Variants in SH3TC2 observed in about 807,000 individuals in gnomAD.
SH3TC2 encodes the protein SH3 domain and tetratricopeptide repeats 2.
A neutral mutation model predicts 124.5 loss-of-function variants in SH3TC2; 87 were observed. That is an observed-to-expected ratio of 0.70 (90% CI 0.59 to 0.84). The LOEUF is 0.84. SH3TC2 is among the 40% of genes least tolerant of loss of function. The pLI is 0.00. For missense variants in SH3TC2, 1,536 were observed against 1,566.4 expected, an observed-to-expected ratio of 0.98 and a Z score of 0.33; for synonymous variants, 634 against 628.5, an observed-to-expected ratio of 1.01 and a Z score of -0.13.
chr5:148,982,376 T>C lies in SH3TC2; in HGVS notation c.*22335A>G, dbSNP rs1753264570. On this transcript the variant is annotated 3_prime_UTR_variant, in exon 17 of 17. Transcript: ENST00000515425. ...TGCATATGCCCTTAGTATTCTGCTATTTCACTTTTGTGGAATTTTTCCTAC... is the reference window on the plus strand; with the variant it reads ...TGCATATGCCCTTAGTATTCTGCTACTTCACTTTTGTGGAATTTTTCCTAC... 6.6e-6 allele frequency among the ~76,000 whole-genome samples: 1 copy of C among 152,242 alleles called. No individual in the cohort carries two copies. The highest frequency in any genetic ancestry group is 6.5e-5 in the Admixed American group (1 of 15,276).
chr5:149,018,620 T>A (rs921252959), intron 12 of SH3TC2, among the ~76,000 whole-genome samples: 3 of 151,946 alleles, frequency 2.0e-5, no homozygotes, highest in Non-Finnish European at 4.4e-5. Context: ...TTCAATTACC[T>A]CCCACCAGGT....
rs142462049 is a variant in SH3TC2, at chr5:149,027,422, G to A, written c.2310C>T (p.His770=). ...AGTGGATGGCACCGTCAGGAGACCT[G>A]TGCTCGAGGTACACTTTGGAAAGGA... ...CLILSKVYLE[H]RSPDGAIHYL... is the part of the protein sequence containing the mutation. The change falls in exon 11 of 17, where the codon CAC becomes CAT. Residue 770 remains histidine, a synonymous_variant. Transcript: ENST00000515425. The A allele has an allele frequency of 1.8e-5, 29 of 1,614,038 alleles. No individual in the cohort carries two copies. In the African/African-American group the frequency reaches 3.5e-4, roughly 19 times the overall value.
chr5:149,008,724 T>G (rs1218392770), intron 15 of SH3TC2, 127 bp downstream of exon 15: 2 of 1,345,500 alleles, frequency 1.5e-6, no homozygotes, highest in African/African-American at 2.9e-5. Context: ...AAGGTCTCTC[T>G]GACAGTTGGA....
At chr5:149,044,471 G>T in intron 4 of SH3TC2, 62 bp downstream of exon 4, 1 of 1,238,124 alleles carries the variant, frequency 8.1e-7, no homozygotes, top group Non-Finnish European at 1.2e-6. Context: ...TTCATGTCAA[G>T]CCCTACAAAT....
chr5:149,019,743 G>C (rs961042145), intron 12 of SH3TC2, among the ~76,000 whole-genome samples: 86 of 152,292 alleles, frequency 5.6e-4, no homozygotes, highest in African/African-American at 1.9e-3. Context: ...TTACGAAAGT[G>C]AGCTTCATTG....
At chr5:149,044,372 T>G in intron 4 of SH3TC2, 161 bp downstream of exon 4, 3 of 624,992 alleles carry the variant, frequency 4.8e-6, no homozygotes, top group Non-Finnish European at 8.6e-6. Flanking sequence ...TTGCCTTAGA[T>G]TTAGTTTGAG....
At chr5:149,040,769 G>A (rs1754356294) in intron 6 of SH3TC2, 92 bp from the exon 7 acceptor site, 3 of 1,092,756 alleles carry the variant, frequency 2.7e-6, no homozygotes, top group Non-Finnish European at 4.2e-6. Context: ...TGATGATGAT[G>A]AGTATTGTTT....
chr5:148,985,100 A>C lies in SH3TC2; in HGVS notation c.*19611T>G, dbSNP rs1753312245. Among the ~76,000 whole-genome samples, 1 of 151,860 alleles carries C rather than the reference A, an allele frequency of 6.6e-6. No individual in the cohort carries two copies. Among genetic ancestry groups the C allele is most frequent in the Admixed American group, 6.6e-5 (1 of 15,226 alleles). ...CTTTTATTGGTTCTGACTCCACTTG[A>C]CATCCTCAGAAAACAAACACTGAAT... is the stretch of plus-strand genomic sequence containing the variant. On this transcript the variant is annotated 3_prime_UTR_variant, in exon 17 of 17. Transcript: ENST00000515425.
At chr5:149,005,898 G>C (rs550454655) in intron 16 of SH3TC2, among the ~76,000 whole-genome samples, 24 of 152,184 alleles carry the variant, frequency 1.6e-4, no homozygotes, top group African/African-American at 5.8e-4. Flanking sequence ...CAATCCTAGG[G>C]ACACAGTTTG....
Position 148,994,534 on chromosome 5 carries a change from A to T in SH3TC2, c.*10177T>A, listed in dbSNP as rs149759395. 6.5e-4 allele frequency among the ~76,000 whole-genome samples: 99 copies of T among 152,178 alleles called. 2 individuals are homozygous for T. The highest frequency in any genetic ancestry group is 4.4e-3 in the East Asian group (23 of 5,180). ...CACTGGATTGTGAGTTTAGCACATG[A>T]GAGGTGTTGAATATTGGTTAGTTGG... On this transcript the variant is annotated 3_prime_UTR_variant, in exon 17 of 17. Transcript: ENST00000515425.
At chr5:149,042,512 G>T (rs867527123) in intron 5 of SH3TC2, among the ~76,000 whole-genome samples, 182 bp downstream of exon 5, 18 of 152,288 alleles carry the variant, frequency 1.2e-4, no homozygotes, top group Middle Eastern at 3.4e-3. Flanking sequence ...CAGCACAGCT[G>T]TTCGTGTAAT....
Position 148,987,505 on chromosome 5 carries a change from A to C in SH3TC2, c.*17206T>G, listed in dbSNP as rs1178239671. On this transcript the variant is annotated 3_prime_UTR_variant, in exon 17 of 17. Transcript: ENST00000515425. ...CTTCCAGCTAACATTTCTATCCCAC[A>C]GCAGACCTGCATGGTCTTTACATCT... is the stretch of plus-strand genomic sequence containing the variant. Among the ~76,000 whole-genome samples, 2 of 152,264 alleles carry C rather than the reference A, an allele frequency of 1.3e-5. No homozygotes were observed. The highest frequency in any genetic ancestry group is 6.5e-5 in the Admixed American group (1 of 15,292).
chr5:149,053,154 A>G (rs1172453956), intron 1 of SH3TC2, among the ~76,000 whole-genome samples: 1 of 152,214 alleles, frequency 6.6e-6, no homozygotes, highest in African/African-American at 2.4e-5. Context: ...ATGTGCTTAT[A>G]AAATTGTGCA....
intron 3 of SH3TC2, chr5:149,046,005 C>G (rs190933421): frequency 7.3e-6 from 3 of 409,924 alleles, no homozygotes; most frequent in Admixed American, 5.8e-5. Flanking sequence ...ACTTAGTTTT[C>G]CCTTAAATCT....
At chr5:149,038,514 A>G (rs773816190) in intron 7 of SH3TC2, 24 bp from the exon 8 acceptor site, 1 of 1,612,646 alleles carries the variant, frequency 6.2e-7, no homozygotes, top group Non-Finnish European at 8.5e-7. Context: ...CACACAGATC[A>G]GCTACAGAAG....
intron 2 of SH3TC2, among the ~76,000 whole-genome samples, chr5:149,048,854 G>A (rs546416675): frequency 2.6e-5 from 4 of 152,330 alleles, no homozygotes; most frequent in African/African-American, 9.6e-5. Context: ...GCCATACTGA[G>A]GAGGTTCATC....
rs886060136 is a variant in SH3TC2 at position 148,994,138 on chromosome 5, A to G, written c.*10573T>C. 3.3e-5 allele frequency among the ~76,000 whole-genome samples: 5 copies of G among 152,144 alleles called. No individual in the cohort carries two copies. In the East Asian group the frequency reaches 7.7e-4, roughly 23 times the overall value. ...ACAAGATCTATCTAGCTTAAGTTCC[A>G]TAAAATTTATCAAAATTTCAGCTGA... On this transcript the variant is annotated 3_prime_UTR_variant, in exon 17 of 17. Transcript: ENST00000515425.
Position 148,994,619 on chromosome 5 carries a change from G to A in SH3TC2, c.*10092C>T, listed in dbSNP as rs921048704. On this transcript the variant is annotated 3_prime_UTR_variant, in exon 17 of 17. Coordinates refer to ENST00000515425, the MANE Select transcript of SH3TC2 (RefSeq NM_024577.4). ...GGTTAGATGGTTGGTTGGTTGGTTGGTTGGTTGGTTGGTTGGTTGGTTGGT... is the reference window on the plus strand; with the variant it reads ...GGTTAGATGGTTGGTTGGTTGGTTGATTGGTTGGTTGGTTGGTTGGTTGGT... Among the ~76,000 whole-genome samples, 6 of 149,984 alleles carry A rather than the reference G, an allele frequency of 4.0e-5. No homozygotes were observed. Among genetic ancestry groups the A allele is most frequent in the African/African-American group, 1.5e-4 (6 of 40,796 alleles).
intron 13 of SH3TC2, 24 bp from the exon 14 acceptor site, chr5:149,010,416 TAA>T: frequency 6.2e-7 from 1 of 1,613,244 alleles, no homozygotes; most frequent in South Asian, 1.1e-5. Context: ...AGACAGCTGT[TAA>T]AGGCAGAGAG....
Sources: allele counts gnomAD v4.1 joint callset (sites outside exome capture counted in the v4.1 genomes callset), GRCh38; gene constraint gnomAD v4.1.1; transcripts MANE v1.5; gene names NCBI Gene and HGNC (gene_info 2026-07-23, HGNC 2026-07-21).